Variants in CACNA1E observed in about 807,000 individuals in gnomAD.
The protein encoded by CACNA1E is voltage-dependent R-type calcium channel subunit alpha-1E.
Under a neutral mutation model 259.2 loss-of-function variants are expected in CACNA1E, and 40 were observed. That is an observed-to-expected ratio of 0.15 (90% CI 0.12 to 0.20). The LOEUF is 0.20. CACNA1E is among the 10% of genes least tolerant of loss of function. The pLI is 1.00. For missense variants in CACNA1E, 1,874 were observed against 3,040.1 expected, an observed-to-expected ratio of 0.62 and a Z score of 9.02; for synonymous variants, 1,104 against 1,138.5, an observed-to-expected ratio of 0.97 and a Z score of 0.61.
At chr1:181,359,557 C>T (rs1199591013) in intron 1 of CACNA1E, among the ~76,000 whole-genome samples, 5 of 152,042 alleles carry the variant, frequency 3.3e-5, no homozygotes, top group South Asian at 2.1e-4. Flanking sequence ...CCATTGTAAG[C>T]GGGTGGGCTT....
chr1:181,510,882 G>A (rs1212820988), intron 2 of CACNA1E, among the ~76,000 whole-genome samples: 7 of 152,212 alleles, frequency 4.6e-5, no homozygotes, highest in Non-Finnish European at 1.0e-4. Context: ...GGAGTAGAGG[G>A]GAGAGGATGA....
chr1:181,544,433 A>G (rs555388204), intron 3 of CACNA1E, among the ~76,000 whole-genome samples: 24 of 151,926 alleles, frequency 1.6e-4, no homozygotes, highest in Non-Finnish European at 3.1e-4. Context: ...TGTACGCTTT[A>G]GAAGGGTAAA....
intron 1 of CACNA1E, among the ~76,000 whole-genome samples, chr1:181,410,207 G>T (rs1023917319): frequency 3.3e-5 from 5 of 152,194 alleles, no homozygotes; most frequent in Non-Finnish European, 7.3e-5. Flanking sequence ...ATCCCTCAAG[G>T]GGAGTTGAGA....
At position 181,357,614 on chromosome 1, in the gene CACNA1E, G is replaced by A. The variant is rs80222896; in HGVS notation, c.-15+39491G>A. On this transcript the variant is annotated intron_variant, in intron 1 of 11. Coordinates refer to the CACNA1E transcript ENST00000524607. ...AAGTCCTAGATAGGATTGCCTGTAT[G>A]TGACCAAAAGAAAACCTCCTCCTTG... Among the ~76,000 whole-genome samples, 187 of 152,144 alleles carry A rather than the reference G, an allele frequency of 1.2e-3. 1 individual carries two copies. The highest frequency in any genetic ancestry group is 4.3e-3 in the African/African-American group (179 of 41,548).
chr1:181,699,772 T>C (rs1023235751), intron 7 of CACNA1E, among the ~76,000 whole-genome samples: 2 of 152,008 alleles, frequency 1.3e-5, no homozygotes, highest in Non-Finnish European at 2.9e-5. Flanking sequence ...CTGCCAGGAA[T>C]TGCTTATGGA....
chr1:181,561,506 T>A (rs545840961), intron 3 of CACNA1E, among the ~76,000 whole-genome samples: 49 of 152,182 alleles, frequency 3.2e-4, no homozygotes, highest in Non-Finnish European at 6.5e-4. Context: ...GTTCTTATAG[T>A]TTTGCCTTTT....
At chr1:181,514,790 G>T (rs1307400490) in intron 3 of CACNA1E, among the ~76,000 whole-genome samples, 1 of 152,168 alleles carries the variant, frequency 6.6e-6, no homozygotes, top group Non-Finnish European at 1.5e-5. Context: ...GCTGAGAGAT[G>T]ACTAGTTGAG....
chr1:181,593,447 A>G (rs1053206643), intron 6 of CACNA1E, among the ~76,000 whole-genome samples: 2 of 152,242 alleles, frequency 1.3e-5, no homozygotes, highest in South Asian at 2.1e-4. Context: ...TTGGTGCAAA[A>G]GTGGCACTTT....
At position 181,791,090 on chromosome 1, in the gene CACNA1E, A is replaced by G. The variant is rs1299725127; in HGVS notation, c.5898+534A>G. On this transcript the variant is annotated intron_variant, in intron 44 of 47. Transcript: ENST00000367573. ...CTCTGCTCTGTGTGGGTTCAGGCAC[A>G]TTGTCCCTTTTGGTCACAATTCAAA... is the stretch of plus-strand genomic sequence containing the variant. 2.0e-5 allele frequency among the ~76,000 whole-genome samples: 3 copies of G among 152,186 alleles called. No individual in the cohort carries two copies. The East Asian group carries it at 5.8e-4, about 29-fold the overall frequency.
At chr1:181,620,328 C>T (rs1198690684) in intron 6 of CACNA1E, among the ~76,000 whole-genome samples, 1 of 152,154 alleles carries the variant, frequency 6.6e-6, no homozygotes, top group Non-Finnish European at 1.5e-5. Flanking sequence ...GGAAGACATC[C>T]TGATTGCTAT....
chr1:181,446,876 G>C (rs755716071), intron 2 of CACNA1E, among the ~76,000 whole-genome samples: 1 of 152,002 alleles, frequency 6.6e-6, no homozygotes, highest in Non-Finnish European at 1.5e-5. Context: ...AATGGTACCT[G>C]GTTTGTTTCC....
At position 181,800,808 on chromosome 1, in the gene CACNA1E, T is replaced by C. The variant is rs935754962; in HGVS notation, c.*1974T>C. The C allele has an allele frequency of 1.3e-5, 2 of 152,680 alleles. No homozygotes were observed. Among genetic ancestry groups the C allele is most frequent in the Admixed American group, 6.5e-5 (1 of 15,290 alleles). 9.5% of individuals were successfully genotyped at this position (152,680 alleles called of 1,614,324 possible). ...CACATGGCTGGAGAATCATTTGTCA[T>C]GGCCCCGCCTTCTCTTCTGATACTA... On this transcript the variant is annotated 3_prime_UTR_variant, in exon 48 of 48. Coordinates refer to ENST00000367573, the MANE Select transcript of CACNA1E (RefSeq NM_001205293.3).
chr1:181,320,910 A>G (rs1452987315), intron 1 of CACNA1E, among the ~76,000 whole-genome samples: 1 of 152,222 alleles, frequency 6.6e-6, no homozygotes, highest in East Asian at 1.9e-4. Context: ...ATTTTAAAAA[A>G]AGAGGTTTAT....
chr1:181,605,001 C>G (rs892976973), intron 6 of CACNA1E, among the ~76,000 whole-genome samples: 5 of 152,060 alleles, frequency 3.3e-5, no homozygotes, highest in African/African-American at 1.2e-4. Context: ...AGTTATTTGT[C>G]TTCTCTCAGA....
intron 2 of CACNA1E, among the ~76,000 whole-genome samples, chr1:181,434,480 G>T (rs1659939989): frequency 6.6e-6 from 1 of 151,924 alleles, no homozygotes. Context: ...ATTTTAATGG[G>T]AGACATGATC....
At chr1:181,778,776 TTCCTCCCTGGCTGC>T (rs1248239418) in intron 38 of CACNA1E, among the ~76,000 whole-genome samples, 4 of 152,138 alleles carry the variant, frequency 2.6e-5, no homozygotes, top group African/African-American at 9.7e-5. Flanking sequence ...TGTCCATGGC[TTCCTCCCTGGCTGC>T]TCTCTGAACA....
chr1:181,793,866 T>C, intron 45 of CACNA1E, 73 bp downstream of exon 45: 3 of 1,490,618 alleles, frequency 2.0e-6, no homozygotes, highest in Non-Finnish European at 2.7e-6. Context: ...TAATATCTGA[T>C]ATTTGCAGGT....
chr1:181,648,228 C>T (rs886988477), intron 6 of CACNA1E, among the ~76,000 whole-genome samples: 2 of 152,154 alleles, frequency 1.3e-5, no homozygotes, highest in Admixed American at 6.5e-5. Context: ...TTTGATTAGT[C>T]GACCATCTAT....
At chr1:181,355,277 A>G (rs1653337111) in intron 1 of CACNA1E, among the ~76,000 whole-genome samples, 1 of 152,150 alleles carries the variant, frequency 6.6e-6, no homozygotes. Context: ...ATAGGGTGGC[A>G]ATAAGGGTTG....
Sources: allele counts gnomAD v4.1 joint callset (sites outside exome capture counted in the v4.1 genomes callset), GRCh38; gene constraint gnomAD v4.1.1; transcripts MANE v1.5; gene names NCBI Gene and HGNC (gene_info 2026-07-23, HGNC 2026-07-21).